Variants in PIEZO1 observed in about 807,000 individuals in gnomAD.
The protein encoded by PIEZO1 is piezo type mechanosensitive ion channel component 1 (Er blood group), also known as piezo-type mechanosensitive ion channel component 1.
In PIEZO1, 296 loss-of-function variants were observed where a neutral mutation model predicts 297.2. The ratio of observed to expected loss-of-function variants is 1.00; its 90% confidence interval spans 0.91 to 1.10. PIEZO1 has a LOEUF of 1.10. Among genes scored for constraint, PIEZO1 ranks in the 50% least tolerant of loss-of-function variants. The probability of loss-of-function intolerance (pLI) is 0.00; values close to 1 mark genes in which losing one functional copy is unlikely to be tolerated. For missense variants in PIEZO1, 5,018 were observed against 3,455.5 expected, an observed-to-expected ratio of 1.45 and a Z score of -11.34; for synonymous variants, 2,427 against 1,507.5, an observed-to-expected ratio of 1.61 and a Z score of -14.13.
rs745674960 is a variant in PIEZO1 at position 88,719,863 on chromosome 16, G to T, written c.6262C>A (p.Arg2088Ser). 1.3e-6 allele frequency: 2 copies of T among 1,550,556 alleles called. No individual in the cohort carries two copies. The highest frequency in any genetic ancestry group is 1.4e-5 in the African/African-American group (1 of 73,186). ...AYQIRCGYPT[R>S]ILGNFLTKKY... ...TTGGTGAGGAAGTTGCCGAGGATGC[G>T]GGTGGGGTAGCCGCAGCGGATCTGG... Residue 2088 changes from arginine (R) to serine (S), a missense_variant, in exon 43 of 51, where the codon CGC (arginine) becomes AGC (serine). Arg to Ser is a moderately radical substitution (Grantham distance 110). Transcript: ENST00000301015.
At chr16:88,773,789 C>A (rs1907534207) in intron 1 of PIEZO1, among the ~76,000 whole-genome samples, 1 of 152,108 alleles carries the variant, frequency 6.6e-6, no homozygotes, top group African/African-American at 2.4e-5. Context: ...TCCGGCCACC[C>A]TGCACCCAGT....
At chr16:88,716,987 G>A (rs1329931916) in intron 45 of PIEZO1, 36 bp downstream of exon 45, 2 of 1,548,072 alleles carry the variant, frequency 1.3e-6, no homozygotes, top group African/African-American at 1.4e-5. Context: ...AACCCCCAGG[G>A]GATGGGAATG....
chr16:88,735,881 G>A (rs1344002216), intron 12 of PIEZO1, among the ~76,000 whole-genome samples: 2 of 152,158 alleles, frequency 1.3e-5, no homozygotes, highest in East Asian at 3.8e-4. Flanking sequence ...GCACAGGGGT[G>A]GTGCCCGTGC....
At position 88,732,499 on chromosome 16, in the gene PIEZO1, C is replaced by T; in HGVS notation, c.2827G>A (p.Ala943Thr). The change falls in exon 21 of 51, where the codon GCC becomes ACC. Residue 943 changes from alanine to threonine, a missense_variant. By Grantham distance (58) the Ala-to-Thr change is moderately conservative. Transcript: ENST00000301015. ...TGCTCCTGGCGCCGGTACACGATGG[C>T]CTCGAATACCAGCAGCAGCAGCACT... The part of the protein sequence containing the change: ...LQVLLLLVFE[A>T]IVYRRQEHYR... 36 of 1,548,048 alleles carry T rather than the reference C, an allele frequency of 2.3e-5. No individual in the cohort carries two copies. The highest frequency in any genetic ancestry group is 3.1e-5 in the Non-Finnish European group (35 of 1,145,216).
chr16:88,763,367 TTC>T (rs1332113605), intron 1 of PIEZO1, among the ~76,000 whole-genome samples: 9 of 152,190 alleles, frequency 5.9e-5, no homozygotes, highest in Admixed American at 5.2e-4. Context: ...TTCTCTGGGA[TTC>T]TGTCTCTTCA....
At position 88,738,595 on chromosome 16, in the gene PIEZO1, G is replaced by T. The variant is rs1318685751; in HGVS notation, c.607C>A (p.Leu203Met). Residue 203 changes from leucine (L) to methionine (M), a missense_variant, in exon 6 of 51, where the codon CTG becomes ATG. By Grantham distance (15) the Leu-to-Met change is conservative (BLOSUM62 2). Transcript: ENST00000301015. ...GCCAGTGCAAGCAGTGTTACGGCCA[G>T]GACCCGCCCAGCCGCCACCAGCAGC... Reference protein sequence around the residue: ...HWLLVAAGRVLAVTLLALAGI... With the variant: ...HWLLVAAGRVMAVTLLALAGI... 1.3e-6 allele frequency: 2 copies of T among 1,535,542 alleles called. No homozygotes were observed. Among genetic ancestry groups the T allele is most frequent in the Non-Finnish European group, 1.7e-6 (2 of 1,146,684 alleles).
At chr16:88,731,959 A>ATGCACTGAGTCGGGGGATGGGC (rs1482630762) in intron 21 of PIEZO1, 49 bp from the exon 22 acceptor site, 1 of 63,334 alleles carries the variant, frequency 1.6e-5, no homozygotes, top group Admixed American at 2.1e-4. Context: ...GTCTGGGGGG[A>ATGCACTGAGTCGGGGGATGGGC]GGGACTTTCT....
intron 1 of PIEZO1, among the ~76,000 whole-genome samples, chr16:88,769,550 C>T (rs1457221406): frequency 6.6e-6 from 1 of 152,222 alleles, no homozygotes; most frequent in Non-Finnish European, 1.5e-5. Context: ...GTCCCGCCTC[C>T]TCTCCTACCA....
In PIEZO1 at chr16:88,715,596, C is replaced by G; in HGVS notation, c.*9G>C. On this transcript the variant is annotated 3_prime_UTR_variant, in exon 51 of 51. Coordinates refer to ENST00000301015, the MANE Select transcript of PIEZO1 (RefSeq NM_001142864.4). ...CGGCTCCTTCCCTCTCGGGCGCCAG[C>G]AGCAGCTCCTACTCCTTCTCACGAG... 3 of 1,548,088 alleles carry G rather than the reference C, an allele frequency of 1.9e-6. No individual in the cohort carries two copies. Among genetic ancestry groups the G allele is most frequent in the Non-Finnish European group, 2.6e-6 (3 of 1,145,880 alleles).
Position 88,720,187 on chromosome 16 carries a change from C to G in PIEZO1, c.6046G>C (p.Val2016Leu). 1 of 1,550,542 alleles carries G rather than the reference C, an allele frequency of 6.4e-7. No homozygotes were observed. The highest frequency in any genetic ancestry group is 2.4e-5 in the East Asian group (1 of 40,918). The change falls in exon 42 of 51, where the codon GTG (valine) becomes CTG (leucine). Residue 2016 changes from valine to leucine, a missense_variant. Transcript: ENST00000301015. Reference protein sequence around the residue: ...VMLLIQFSTMVVDRALYLRKT... With the variant: ...VMLLIQFSTMLVDRALYLRKT... ...CGCAGGTAGAGGGCGCGGTCAACCA[C>G]CATGGTACTGAACTGGATCAGCAGC... is the stretch of plus-strand genomic sequence containing the variant.
At chr16:88,765,771 T>G (rs949987194) in intron 1 of PIEZO1, among the ~76,000 whole-genome samples, 2 of 151,556 alleles carry the variant, frequency 1.3e-5, no homozygotes, top group Non-Finnish European at 2.9e-5. Context: ...CCTCCTGGGT[T>G]CAAGCGATTC....
chr16:88,730,051 A>C (rs1285867405), intron 22 of PIEZO1, among the ~76,000 whole-genome samples: 2 of 152,260 alleles, frequency 1.3e-5, no homozygotes, highest in Non-Finnish European at 2.9e-5. Flanking sequence ...AGGTATTTCA[A>C]CAAGGAAGAG....
Position 88,716,295 on chromosome 16 carries a change from C to T in PIEZO1, c.7050-18G>A, listed in dbSNP as rs1231244833. The T allele has an allele frequency of 6.7e-6, 10 of 1,488,092 alleles. No individual in the cohort carries two copies. In the Admixed American group the frequency reaches 9.0e-5, roughly 13 times the overall value. 92.2% of individuals were successfully genotyped at this position (1,488,092 alleles called of 1,614,324 possible). A position where few individuals can be genotyped will look rare whatever the true frequency, so the allele number is the denominator to read the frequency against. On this transcript the variant is annotated intron_variant, in intron 48 of 50. Coordinates refer to ENST00000301015, the MANE Select transcript of PIEZO1 (RefSeq NM_001142864.4). ...GGATGACCCTGCAGGGAGGTGCTGG[C>T]AGGTCAGGCCTGGCCCAGCCAACCT...
chr16:88,731,849 T>G lies in PIEZO1; in HGVS notation c.3053A>C (p.His1018Pro). 1 of 1,135,584 alleles carries G rather than the reference T, an allele frequency of 8.8e-7. No individual in the cohort carries two copies. Among genetic ancestry groups the G allele is most frequent in the Non-Finnish European group, 1.1e-6 (1 of 908,494 alleles). 70.3% of individuals were successfully genotyped at this position (1,135,584 alleles called of 1,614,324 possible). A position where few individuals can be genotyped will look rare whatever the true frequency, so the allele number is the denominator to read the frequency against. Reference sequence around the variant, plus strand: ...GAGGATGGCCACCAGCCAGCAACCGTGCAGGGTCACCAGAAAGTTCATGCG... The same window carrying G: ...GAGGATGGCCACCAGCCAGCAACCGGGCAGGGTCACCAGAAAGTTCATGCG... ...GQRMNFLVTL[H>P]GCWLVAILTR... The change falls in exon 22 of 51, where the codon CAC (histidine) becomes CCC (proline). Residue 1018 changes from histidine (H) to proline (P), a missense_variant. Transcript: ENST00000301015.
intron 1 of PIEZO1, among the ~76,000 whole-genome samples, chr16:88,772,891 G>C (rs150431537): frequency 6.6e-6 from 1 of 152,278 alleles, no homozygotes; most frequent in Non-Finnish European, 1.5e-5. Context: ...AGCTCCTGAG[G>C]CCGCAGGCTG....
Position 88,716,061 on chromosome 16 carries a change from C to T in PIEZO1, c.7188G>A (p.Gly2396=). 2 of 1,550,184 alleles carry T rather than the reference C, an allele frequency of 1.3e-6. No individual in the cohort carries two copies. Among genetic ancestry groups the T allele is most frequent in the South Asian group, 2.4e-5 (2 of 84,044 alleles). The change falls in exon 50 of 51, where the codon GGG becomes GGA. Residue 2396 remains glycine, a synonymous_variant. Transcript: ENST00000301015. ...CCCACCATTCGAGGAAGCCGGTGGC[C>T]CCCGCACCCTGCTCCCTCCGCAGCT... ...RIQLRREQGA[G]ATGFLEWWVI...
rs879686708 is a variant in PIEZO1, at chr16:88,725,553, TG to T, written c.4059-35del. ...GGGAAAGGTGGGGTATGCTGAGCAT[TG>T]GGGGGAGGAGCCGGGGAGTCCCCGC... On this transcript the variant is annotated intron_variant, in intron 28 of 50. Coordinates refer to ENST00000301015, the MANE Select transcript of PIEZO1 (RefSeq NM_001142864.4). The T allele has an allele frequency of 2.4e-5, 37 of 1,535,458 alleles. No individual in the cohort carries two copies. The Admixed American group carries it at 4.9e-4, about 21-fold the overall frequency.
chr16:88,773,397 G>A (rs527421958), intron 1 of PIEZO1, among the ~76,000 whole-genome samples: 1 of 152,270 alleles, frequency 6.6e-6, no homozygotes, highest in South Asian at 2.1e-4. Context: ...CGAGACCAGA[G>A]GTGGCTGGGG....
chr16:88,760,606 G>T (rs769589582), intron 1 of PIEZO1, among the ~76,000 whole-genome samples: 2 of 151,938 alleles, frequency 1.3e-5, no homozygotes, highest in South Asian at 2.1e-4. Flanking sequence ...AGGACCCAGG[G>T]AGCCCAGGAC....
Sources: gnomAD v4.1 joint callset for allele counts (sites outside exome capture counted in the v4.1 genomes callset) on GRCh38, gnomAD v4.1.1 for gene constraint, MANE v1.5 for transcripts, NCBI Gene and HGNC (gene_info 2026-07-23, HGNC 2026-07-21) for gene names.